Variants in PCDH15 observed in about 807,000 individuals in gnomAD.
The protein encoded by PCDH15 is protocadherin related 15, also known as protocadherin-15.
In PCDH15, 129 loss-of-function variants were observed where a neutral mutation model predicts 178.5. The ratio of observed to expected loss-of-function variants is 0.72; its 90% confidence interval spans 0.63 to 0.84. The LOEUF (loss-of-function observed/expected upper bound fraction) is 0.84. PCDH15 is among the 40% of genes least tolerant of loss of function. The probability of loss-of-function intolerance (pLI) is 0.00; values close to 1 mark genes in which losing one functional copy is unlikely to be tolerated. For synonymous variants in PCDH15, 800 were observed against 732.0 expected (o/e 1.09, Z -1.50); for missense variants, 2,230 against 2,099.9 (o/e 1.06, Z -1.21).
At chr10:55,207,962 C>A (rs1054333873) in intron 1 of PCDH15, among the ~76,000 whole-genome samples, 2 of 151,976 alleles carry the variant, frequency 1.3e-5, no homozygotes, top group Non-Finnish European at 1.5e-5. Flanking sequence ...GAGTGACAGT[C>A]TATCTCAAAA....
intron 2 of PCDH15, among the ~76,000 whole-genome samples, chr10:55,139,872 T>G (rs1838299798): frequency 6.6e-6 from 1 of 151,992 alleles, no homozygotes; most frequent in Non-Finnish European, 1.5e-5. Context: ...GAAAGAGAAG[T>G]CACATCTTTG....
At chr10:54,005,643 A>G (rs1283230326) in intron 20 of PCDH15, among the ~76,000 whole-genome samples, 1 of 152,170 alleles carries the variant, frequency 6.6e-6, no homozygotes, top group East Asian at 1.9e-4. Context: ...GCTTTTATCT[A>G]AAAGTCAGGC....
intron 25 of PCDH15, among the ~76,000 whole-genome samples, chr10:53,905,640 A>G (rs2082629043): frequency 1.3e-5 from 2 of 152,096 alleles, no homozygotes; most frequent in Non-Finnish European, 2.9e-5. Context: ...CCTGGCCGAC[A>G]ATTCTTAAAA....
At chr10:54,083,616 G>C (rs914222686) in intron 16 of PCDH15, among the ~76,000 whole-genome samples, 1 of 152,088 alleles carries the variant, frequency 6.6e-6, no homozygotes, top group African/African-American at 2.4e-5. Flanking sequence ...TGTTTGCCAG[G>C]GGCTAAGGGA....
chr10:54,938,861 A>G (rs1411306864), intron 2 of PCDH15, among the ~76,000 whole-genome samples: 1 of 152,168 alleles, frequency 6.6e-6, no homozygotes, highest in East Asian at 1.9e-4. Context: ...AGAAAAACGT[A>G]AAGTTTCTGG....
chr10:55,410,594 C>A (rs758389232), intron 2 of PCDH15, among the ~76,000 whole-genome samples: 30 of 152,130 alleles, frequency 2.0e-4, no homozygotes, highest in Non-Finnish European at 3.7e-4. Context: ...CTGATGGGAT[C>A]CATGCTGGAA....
chr10:53,953,063 TG>T (rs1290261171), intron 23 of PCDH15, among the ~76,000 whole-genome samples: 1 of 152,220 alleles, frequency 6.6e-6, no homozygotes, highest in Non-Finnish European at 1.5e-5. Flanking sequence ...AACTCAGAAG[TG>T]GGTGGGGCCC....
chr10:55,435,211 T>C lies in PCDH15; in HGVS notation c.-156+192414A>G, dbSNP rs182249542. 5.3e-5 allele frequency among the ~76,000 whole-genome samples: 8 copies of C among 152,246 alleles called. No homozygotes were observed. In the East Asian group the frequency reaches 1.2e-3, roughly 22 times the overall value. Reference sequence around the variant, plus strand: ...GGCTTTCATAAATATAGATACTACATAGATATATACCTATTTGGTATAAGC... The same window carrying C: ...GGCTTTCATAAATATAGATACTACACAGATATATACCTATTTGGTATAAGC... On this transcript the variant is annotated intron_variant, in intron 2 of 5. Transcript: ENST00000613346.
chr10:55,198,637 G>A (rs1439505754), intron 1 of PCDH15, among the ~76,000 whole-genome samples: 3 of 150,970 alleles, frequency 2.0e-5, no homozygotes, highest in Admixed American at 1.3e-4. Context: ...CAAGGCACCC[G>A]CCACCACGCC....
chr10:55,264,382 C>G lies in PCDH15; in HGVS notation c.-156+55217G>C, dbSNP rs917951784. 1.7e-3 allele frequency among the ~76,000 whole-genome samples: 261 copies of G among 152,142 alleles called. 6 individuals carry two copies. The highest frequency in any genetic ancestry group is 3.5e-4 in the Non-Finnish European group (24 of 67,984). ...ATGGCATAAACAGGCCCAGGGAACT[C>G]ACAGGTTGTTGGCAGCAGGAAAAAC... On this transcript the variant is annotated intron_variant, in intron 1 of 5. Coordinates refer to the PCDH15 transcript ENST00000458638.
intron 3 of PCDH15, among the ~76,000 whole-genome samples, chr10:54,863,784 C>T (rs1289025879): frequency 5.9e-5 from 9 of 152,052 alleles, no homozygotes; most frequent in Non-Finnish European, 1.2e-4. Context: ...GATATTAAAC[C>T]TCCAGTGGAA....
At chr10:54,025,244 T>C (rs556248543) in intron 18 of PCDH15, among the ~76,000 whole-genome samples, 3 of 152,318 alleles carry the variant, frequency 2.0e-5, no homozygotes, top group Admixed American at 6.5e-5. Flanking sequence ...TATCACAAAT[T>C]TAGCAGCTGA....
At chr10:54,633,936 C>G (rs1265149178) in intron 2 of PCDH15, among the ~76,000 whole-genome samples, 6 of 152,078 alleles carry the variant, frequency 3.9e-5, no homozygotes, top group Non-Finnish European at 7.4e-5. Flanking sequence ...TCAGCCAGAA[C>G]TTTTCATGAC....
chr10:54,167,212 C>G (rs897906373), intron 13 of PCDH15, among the ~76,000 whole-genome samples: 3 of 152,114 alleles, frequency 2.0e-5, no homozygotes, highest in African/African-American at 7.2e-5. Flanking sequence ...GAGAAAGATC[C>G]ACCTATGACC....
At chr10:54,399,423 T>A (rs753548908) in intron 3 of PCDH15, among the ~76,000 whole-genome samples, 9 of 152,092 alleles carry the variant, frequency 5.9e-5, no homozygotes, top group Non-Finnish European at 1.3e-4. Context: ...CTTCTTGCAT[T>A]TCTCCATAAG....
At chr10:55,151,797 G>T (rs942971623) in intron 2 of PCDH15, among the ~76,000 whole-genome samples, 41 of 152,096 alleles carry the variant, frequency 2.7e-4, no homozygotes, top group African/African-American at 8.4e-4. Context: ...ATGATATAAA[G>T]AATGAAAAGC....
intron 1 of PCDH15, among the ~76,000 whole-genome samples, chr10:54,794,935 T>G (rs938221198): frequency 1.3e-5 from 2 of 151,906 alleles, no homozygotes; most frequent in Admixed American, 1.3e-4. Flanking sequence ...GTTCAAATTT[T>G]TAACATAAAA....
At chr10:55,251,496 A>G (rs528266104) in intron 1 of PCDH15, among the ~76,000 whole-genome samples, 5 of 152,188 alleles carry the variant, frequency 3.3e-5, no homozygotes, top group Non-Finnish European at 1.5e-5. Context: ...TTCATTCAGC[A>G]TAAGTATGTG....
intron 7 of PCDH15, among the ~76,000 whole-genome samples, chr10:54,322,163 T>G (rs148133444): frequency 6.6e-6 from 1 of 152,082 alleles, no homozygotes; most frequent in Non-Finnish European, 1.5e-5. Context: ...TGCTCAAGGC[T>G]CTTCTGAGTA....
Sources: allele counts gnomAD v4.1 joint callset (sites outside exome capture counted in the v4.1 genomes callset), GRCh38; gene constraint gnomAD v4.1.1; transcripts MANE v1.5; gene names NCBI Gene and HGNC (gene_info 2026-07-23, HGNC 2026-07-21).